Variants in MAML2 observed in about 807,000 individuals in gnomAD.
MAML2 encodes the protein mastermind like transcriptional coactivator 2.
In MAML2, 22 loss-of-function variants were observed where a neutral mutation model predicts 96.1. The ratio of observed to expected loss-of-function variants is 0.23; its 90% confidence interval spans 0.16 to 0.33. The LOEUF (loss-of-function observed/expected upper bound fraction) is 0.33. Among genes scored for constraint, MAML2 ranks in the 10% least tolerant of loss-of-function variants. The pLI is 1.00. For missense variants in MAML2, 1,367 were observed against 1,392.4 expected, an observed-to-expected ratio of 0.98 and a Z score of 0.29; for synonymous variants, 561 against 521.3, an observed-to-expected ratio of 1.08 and a Z score of -1.04.
chr11:96,086,954 A>C (rs567036349), intron 2 of MAML2, among the ~76,000 whole-genome samples: 1 of 152,208 alleles, frequency 6.6e-6, no homozygotes, highest in Non-Finnish European at 1.5e-5. Context: ...AACATATATC[A>C]TAAAGAAGGC....
chr11:96,151,194 CT>C (rs1326886126), intron 1 of MAML2, among the ~76,000 whole-genome samples: 2 of 152,132 alleles, frequency 1.3e-5, no homozygotes, highest in African/African-American at 4.8e-5. Context: ...TCCATCCATC[CT>C]TCCTCAGCTC....
intron 2 of MAML2, among the ~76,000 whole-genome samples, chr11:96,050,337 G>C (rs897789575): frequency 5.3e-5 from 8 of 152,162 alleles, no homozygotes; most frequent in Non-Finnish European, 1.2e-4. Flanking sequence ...GGTTGTTGAA[G>C]GGAGGACACC....
chr11:95,999,549 A>G (rs1200102845), intron 2 of MAML2, among the ~76,000 whole-genome samples: 1 of 150,494 alleles, frequency 6.6e-6, no homozygotes, highest in Non-Finnish European at 1.5e-5. Context: ...AGGCAAAGTT[A>G]CCAGGCAGGT....
At chr11:96,072,166 A>G (rs1321591504) in intron 2 of MAML2, among the ~76,000 whole-genome samples, 1 of 152,190 alleles carries the variant, frequency 6.6e-6, no homozygotes, top group Non-Finnish European at 1.5e-5. Flanking sequence ...ATTATTTCCA[A>G]CATGCAGTGT....
intron 2 of MAML2, among the ~76,000 whole-genome samples, chr11:96,035,660 T>A (rs1723911207): frequency 6.6e-6 from 1 of 152,194 alleles, no homozygotes; most frequent in Non-Finnish European, 1.5e-5. Flanking sequence ...ACAGGGAAGA[T>A]TACTGCTGTG....
rs1471394400 is a variant in MAML2 at position 95,977,960 on chromosome 11, C to T, written c.*988G>A. ...ACCAAAACATGATATTTTCTAATCTCGGTTTTCTTCTCCAAACTTCCTTTT... is the reference window on the plus strand; with the variant it reads ...ACCAAAACATGATATTTTCTAATCTTGGTTTTCTTCTCCAAACTTCCTTTT... On this transcript the variant is annotated 3_prime_UTR_variant, in exon 5 of 5. Transcript: ENST00000524717. 2.7e-5 allele frequency: 6 copies of T among 222,284 alleles called. No homozygotes were observed. The highest frequency in any genetic ancestry group is 1.8e-4 in the South Asian group (1 of 5,410). The allele number at this position is 222,284 out of a possible 1,614,324, so 13.8% of individuals were successfully genotyped here. A position where few individuals can be genotyped will look rare whatever the true frequency, so the allele number is the denominator to read the frequency against.
At chr11:96,053,971 C>T (rs987881379) in intron 2 of MAML2, among the ~76,000 whole-genome samples, 4 of 151,984 alleles carry the variant, frequency 2.6e-5, no homozygotes, top group Admixed American at 2.6e-4. Context: ...ATTTTGAGAG[C>T]TCTTCATGTA....
At chr11:96,292,999 G>A (rs1355613447) in intron 1 of MAML2, among the ~76,000 whole-genome samples, 1 of 152,034 alleles carries the variant, frequency 6.6e-6, no homozygotes, top group Non-Finnish European at 1.5e-5. Flanking sequence ...GACATTTGAT[G>A]TCTTCAAATA....
chr11:96,298,918 G>A (rs1488490431), intron 1 of MAML2, among the ~76,000 whole-genome samples: 9 of 146,112 alleles, frequency 6.2e-5, no homozygotes, highest in South Asian at 2.1e-4. Context: ...GGTGGCGGGC[G>A]CCTGTAGTCC....
In MAML2 at chr11:95,980,094, T is replaced by C. The variant is rs183186910; in HGVS notation, c.2456-131A>G. On this transcript the variant is annotated intron_variant, in intron 4 of 4. Coordinates refer to ENST00000524717, the MANE Select transcript of MAML2 (RefSeq NM_032427.4). The stretch of plus-strand genomic sequence containing the variant: ...CAATTTAGGCGAAATAATGATCAAA[T>C]AAATTATATAAAAGGAACAAGACAG... The C allele has an allele frequency of 2.7e-5, 19 of 704,444 alleles. No homozygotes were observed. The Admixed American group carries it at 3.8e-4, about 14-fold the overall frequency. The allele number at this position is 704,444 out of a possible 1,614,324, so 43.6% of individuals were successfully genotyped here. A position where few individuals can be genotyped will look rare whatever the true frequency, so the allele number is the denominator to read the frequency against.
rs555892428 is a variant in MAML2, at chr11:96,136,108, A to G, written c.514-42591T>C. 1.2e-3 allele frequency among the ~76,000 whole-genome samples: 190 copies of G among 152,324 alleles called. 1 individual carries two copies. Among genetic ancestry groups the G allele is most frequent in the African/African-American group, 4.5e-3 (185 of 41,566 alleles). On this transcript the variant is annotated intron_variant, in intron 1 of 4. Transcript: ENST00000524717. ...AGGAATCAACGTTTTGATCTAGAGT[A>G]TGAAGAAATCCAAGACTATAGGTAG... is the stretch of plus-strand genomic sequence containing the variant.
At chr11:96,227,541 T>A (rs11021478) in intron 1 of MAML2, among the ~76,000 whole-genome samples, 344 of 152,298 alleles carry the variant, frequency 2.3e-3, no homozygotes, top group African/African-American at 7.9e-3. Context: ...GAGCATGAGC[T>A]CTGAAGTTAA....
intron 2 of MAML2, among the ~76,000 whole-genome samples, chr11:96,085,177 TG>T (rs1859589799): frequency 2.0e-5 from 3 of 152,246 alleles, no homozygotes; most frequent in African/African-American, 7.2e-5. Context: ...TATGTGTGTG[TG>T]TGTGTGTTTA....
chr11:96,192,943 G>A (rs186156874), intron 1 of MAML2, among the ~76,000 whole-genome samples: 171 of 152,340 alleles, frequency 1.1e-3, no homozygotes, highest in Admixed American at 2.9e-3. Flanking sequence ...CTGGTGGAGC[G>A]TATGCCTTAA....
Position 95,988,900 on chromosome 11 carries a change from C to T in MAML2, c.2343+2620G>A, listed in dbSNP as rs117832517. On this transcript the variant is annotated intron_variant, in intron 3 of 4. Coordinates refer to ENST00000524717, the MANE Select transcript of MAML2 (RefSeq NM_032427.4). ...ACCCAATCTGTTGGACTTGAAAACC[C>T]ATTATAGAAATCATCTGTTATAGTA... Among the ~76,000 whole-genome samples the T allele has an allele frequency of 7.0e-4, 106 of 152,246 alleles. 1 individual carries two copies. In the East Asian group the frequency reaches 0.02, roughly 29 times the overall value.
chr11:96,061,581 C>G (rs528635643), intron 2 of MAML2, among the ~76,000 whole-genome samples: 27 of 152,176 alleles, frequency 1.8e-4, no homozygotes, highest in African/African-American at 6.5e-4. Context: ...TGCCTACTAC[C>G]AGCCCATTTT....
At position 96,092,084 on chromosome 11, in the gene MAML2, CTGCTGCTGTTGT is replaced by C. The variant is rs1565211328; in HGVS notation, c.1935_1946del (p.Gln662_Gln665del). Reference sequence around the variant, plus strand: ...GTTGTTGCTGTTGTTGTTGCTGCTGCTGCTGCTGTTGTTGCTGCTGCTGCTGCTGTTGGGCTG... The same window carrying C: ...GTTGTTGCTGTTGTTGTTGCTGCTGCTGCTGCTGCTGCTGCTGTTGGGCTG... On this transcript the variant is annotated inframe_deletion, in exon 2 of 5. Coordinates refer to ENST00000524717, the MANE Select transcript of MAML2 (RefSeq NM_032427.4). This position sits in a 1 kb window ranked among gnomAD's most constrained non-coding sequence, Gnocchi z 4.1. 2 of 1,548,466 alleles carry C rather than the reference CTGCTGCTGTTGT, an allele frequency of 1.3e-6. No individual in the cohort carries two copies. The highest frequency in any genetic ancestry group is 1.7e-6 in the Non-Finnish European group (2 of 1,146,204).
chr11:96,215,149 A>G (rs1862029739), intron 1 of MAML2, among the ~76,000 whole-genome samples: 1 of 152,220 alleles, frequency 6.6e-6, no homozygotes, highest in African/African-American at 2.4e-5. Flanking sequence ...TGTGTAGTAA[A>G]GTGAATTGGC....
At chr11:96,100,303 G>A (rs1287169160) in intron 1 of MAML2, among the ~76,000 whole-genome samples, 4 of 151,262 alleles carry the variant, frequency 2.6e-5, no homozygotes, top group Admixed American at 1.3e-4. Context: ...TGTTGTTGTT[G>A]TTTTTCTTTC....
Sources: gnomAD v4.1 joint callset for allele counts (sites outside exome capture counted in the v4.1 genomes callset) on GRCh38, gnomAD v4.1.1 for gene constraint, Gnocchi (gnomAD v3.1) non-coding constraint, MANE v1.5 for transcripts, NCBI Gene and HGNC (gene_info 2026-07-23, HGNC 2026-07-21) for gene names.